TTC29: variants seen among roughly 807,000 people sequenced by gnomAD.
The protein encoded by TTC29 is tetratricopeptide repeat protein 29.
A neutral mutation model predicts 58.1 loss-of-function variants in TTC29; 49 were observed. The observed-to-expected ratio is 0.84, with a 90% CI of 0.67 to 1.07. The LOEUF (loss-of-function observed/expected upper bound fraction) is 1.07, where lower values mean the gene tolerates loss of function less well. Among genes scored for constraint, TTC29 ranks in the 50% least tolerant of loss-of-function variants. TTC29 has a pLI of 0.00. For missense variants in TTC29, 582 were observed against 555.6 expected, an observed-to-expected ratio of 1.05 and a Z score of -0.48; for synonymous variants, 209 against 196.8, an observed-to-expected ratio of 1.06 and a Z score of -0.52.
intron 11 of TTC29, among the ~76,000 whole-genome samples, chr4:146,755,291 T>C (rs369325462): frequency 6.6e-6 from 1 of 152,268 alleles, no homozygotes; most frequent in African/African-American, 2.4e-5. Context: ...AAAATGTCCA[T>C]ACTATCTAAG....
intron 7 of TTC29, among the ~76,000 whole-genome samples, chr4:146,870,608 AG>A (rs1226065822): frequency 6.6e-6 from 1 of 152,008 alleles, no homozygotes; most frequent in Non-Finnish European, 1.5e-5. Flanking sequence ...CAAACAAAAA[AG>A]AAAAAGAAGA....
chr4:146,895,857 C>T (rs1269686145), intron 6 of TTC29, among the ~76,000 whole-genome samples: 2 of 152,014 alleles, frequency 1.3e-5, no homozygotes, highest in African/African-American at 2.4e-5. Flanking sequence ...TCTTTCTCAT[C>T]TAAAATTGCA....
chr4:146,822,911 G>C (rs553536587), intron 9 of TTC29, among the ~76,000 whole-genome samples: 4 of 152,250 alleles, frequency 2.6e-5, no homozygotes, highest in Admixed American at 2.6e-4. Context: ...CTTTTGAGAA[G>C]TGTCTGTTCA....
intron 12 of TTC29, 86 bp downstream of exon 12, chr4:146,707,398 TC>T: frequency 1.0e-6 from 1 of 997,908 alleles, no homozygotes; most frequent in Non-Finnish European, 1.5e-6. Flanking sequence ...ATGAAGCTCC[TC>T]TTTTTGTGTT....
intron 11 of TTC29, among the ~76,000 whole-genome samples, chr4:146,737,778 TAC>T (rs1208266720): frequency 1.6e-4 from 24 of 152,200 alleles, no homozygotes; most frequent in Admixed American, 1.4e-3. Flanking sequence ...GCCCATAATG[TAC>T]AACAATGGGC....
intron 8 of TTC29, among the ~76,000 whole-genome samples, chr4:146,834,889 A>T (rs1375458484): frequency 2.0e-5 from 3 of 152,118 alleles, no homozygotes; most frequent in Non-Finnish European, 4.4e-5. Context: ...CACTTCAAAA[A>T]ATTTGAGTTT....
intron 6 of TTC29, among the ~76,000 whole-genome samples, chr4:146,876,668 G>A (rs1395664692): frequency 6.6e-6 from 1 of 152,160 alleles, no homozygotes; most frequent in Non-Finnish European, 1.5e-5. Context: ...CAGGCACAGT[G>A]GCTCACGCCT....
chr4:146,737,602 G>GGA (rs1744819045), intron 11 of TTC29, among the ~76,000 whole-genome samples: 3 of 138,884 alleles, frequency 2.2e-5, no homozygotes, highest in African/African-American at 5.1e-5. Flanking sequence ...GGGGGGGGGG[G>GGA]GCTACAAACG....
chr4:146,728,858 C>T lies in TTC29; in HGVS notation c.1331-21307G>A, dbSNP rs1296744099. Among the ~76,000 whole-genome samples the T allele has an allele frequency of 4.9e-5, 2 of 41,188 alleles. 1 individual carries two copies. Among genetic ancestry groups the T allele is most frequent in the South Asian group, 3.5e-3 (2 of 578 alleles). 27.0% of individuals were successfully genotyped at this position (41,188 alleles called of 152,430 possible). A position where few individuals can be genotyped will look rare whatever the true frequency, so the allele number is the denominator to read the frequency against. On this transcript the variant is annotated intron_variant, in intron 11 of 12. Transcript: ENST00000325106. ...ATACACATATATATGTATATATATACACATATATATGTGTGTGTATATATA... is the reference window on the plus strand; with the variant it reads ...ATACACATATATATGTATATATATATACATATATATGTGTGTGTATATATA...
intron 11 of TTC29, among the ~76,000 whole-genome samples, chr4:146,741,041 T>C (rs1035836889): frequency 2.6e-5 from 4 of 152,218 alleles, no homozygotes; most frequent in African/African-American, 9.6e-5. Flanking sequence ...TATGCCTTAA[T>C]GATTTCAGAG....
At chr4:146,921,468 T>A (rs1193612484) in intron 4 of TTC29, among the ~76,000 whole-genome samples, 5 of 151,286 alleles carry the variant, frequency 3.3e-5, no homozygotes, top group Non-Finnish European at 7.4e-5. Context: ...AGAATATTTT[T>A]CTTTTGTATT....
At chr4:146,796,915 T>C (rs1287955332) in intron 11 of TTC29, among the ~76,000 whole-genome samples, 1 of 152,036 alleles carries the variant, frequency 6.6e-6, no homozygotes, top group African/African-American at 2.4e-5. Flanking sequence ...CTTTGTGCAG[T>C]AGGCTGTGAT....
rs138836607 is a variant in TTC29, at chr4:146,802,117, T to C, written c.1330+1340A>G. On this transcript the variant is annotated intron_variant, in intron 11 of 12. Transcript: ENST00000325106. ...TTTTTCATAATTACCATTGTGATGA[T>C]TGGAGTTTATCCAAAATAAATCTGA... is the stretch of plus-strand genomic sequence containing the variant. Among the ~76,000 whole-genome samples the C allele has an allele frequency of 2.3e-3, 343 of 151,954 alleles. 1 individual carries two copies. Among genetic ancestry groups the C allele is most frequent in the Middle Eastern group, 6.9e-3 (2 of 288 alleles).
At chr4:146,934,588 G>C (rs1384219781) in intron 4 of TTC29, among the ~76,000 whole-genome samples, 2 of 152,152 alleles carry the variant, frequency 1.3e-5, no homozygotes, top group Non-Finnish European at 2.9e-5. Context: ...AATGTTTAAA[G>C]CTGTAAGACT....
chr4:146,742,594 CTT>C, intron 11 of TTC29, among the ~76,000 whole-genome samples: 1 of 151,084 alleles, frequency 6.6e-6, no homozygotes. Flanking sequence ...CCTTCCCTCC[CTT>C]CCTTCCCTCC....
At chr4:146,760,251 A>G (rs1746778153) in intron 11 of TTC29, among the ~76,000 whole-genome samples, 1 of 152,100 alleles carries the variant, frequency 6.6e-6, no homozygotes, top group African/African-American at 2.4e-5. Flanking sequence ...GACCTCTATG[A>G]GGAAAACTAC....
chr4:146,898,670 C>G (rs1159097090), intron 6 of TTC29, among the ~76,000 whole-genome samples: 1 of 152,204 alleles, frequency 6.6e-6, no homozygotes, highest in Non-Finnish European at 1.5e-5. Flanking sequence ...TGTCACCAAT[C>G]ATCTATCATC....
At chr4:146,869,781 A>T (rs978495584) in intron 7 of TTC29, among the ~76,000 whole-genome samples, 4 of 152,170 alleles carry the variant, frequency 2.6e-5, no homozygotes, top group African/African-American at 9.6e-5. Flanking sequence ...ACCAAATATT[A>T]GTTTTTAAAT....
chr4:146,732,311 G>A (rs1744394367), intron 11 of TTC29, among the ~76,000 whole-genome samples: 1 of 152,238 alleles, frequency 6.6e-6, no homozygotes, highest in East Asian at 1.9e-4. Flanking sequence ...ACTATTGGAA[G>A]TATTTTAAGA....
Sources: allele counts gnomAD v4.1 joint callset (sites outside exome capture counted in the v4.1 genomes callset), GRCh38; gene constraint gnomAD v4.1.1; transcripts MANE v1.5; gene names NCBI Gene and HGNC (gene_info 2026-07-23, HGNC 2026-07-21).